The following CACNB2 variants were observed in gnomAD, a reference collection of about 807,000 sequenced individuals.
CACNB2 encodes the protein voltage-dependent L-type calcium channel subunit beta-2.
A neutral mutation model predicts 73.3 loss-of-function variants in CACNB2; 42 were observed. The observed-to-expected ratio is 0.57, with a 90% CI of 0.45 to 0.74. The LOEUF is 0.74. Ranked by LOEUF, CACNB2 falls within the 30% of genes least tolerant of loss-of-function variation. CACNB2 has a pLI of 0.00. For synonymous variants in CACNB2, 348 were observed against 310.3 expected, an observed-to-expected ratio of 1.12 and a Z score of -1.28; for missense variants, 940 against 853.0, an observed-to-expected ratio of 1.10 and a Z score of -1.27.
chr10:18,502,956 AAAAGT>A (rs2050289400), intron 5 of CACNB2, among the ~76,000 whole-genome samples: 1 of 152,066 alleles, frequency 6.6e-6, no homozygotes, highest in Non-Finnish European at 1.5e-5. Context: ...CCCCGAAACT[AAAAGT>A]AAAAAAAGAA....
chr10:18,462,920 A>C (rs903751154), intron 3 of CACNB2, among the ~76,000 whole-genome samples: 10 of 151,496 alleles, frequency 6.6e-5, no homozygotes, highest in African/African-American at 2.4e-4. Context: ...CACCACGCCC[A>C]GCTAATTTTT....
At chr10:18,314,427 A>C (rs1273976390) in intron 2 of CACNB2, among the ~76,000 whole-genome samples, 1 of 152,208 alleles carries the variant, frequency 6.6e-6, no homozygotes, top group Non-Finnish European at 1.5e-5. Context: ...CTGAGTTATC[A>C]ATAGAGTATA....
chr10:18,324,645 C>T (rs1253437941), intron 2 of CACNB2, among the ~76,000 whole-genome samples: 2 of 152,218 alleles, frequency 1.3e-5, no homozygotes, highest in Non-Finnish European at 2.9e-5. Flanking sequence ...TTCTTAAAGT[C>T]CAGAGTTTGA....
At chr10:18,184,833 T>A (rs2034074792) in intron 2 of CACNB2, among the ~76,000 whole-genome samples, 1 of 152,086 alleles carries the variant, frequency 6.6e-6, no homozygotes, top group South Asian at 2.1e-4. Flanking sequence ...CACCTCGGTA[T>A]TAAGCCCAGC....
chr10:18,374,000 C>T (rs1320940421), intron 2 of CACNB2, among the ~76,000 whole-genome samples: 2 of 152,192 alleles, frequency 1.3e-5, no homozygotes, highest in Non-Finnish European at 2.9e-5. Flanking sequence ...CTCTTTCACA[C>T]TCCCATATTG....
chr10:18,501,568 A>G (rs1027621429), intron 5 of CACNB2, among the ~76,000 whole-genome samples: 4 of 152,268 alleles, frequency 2.6e-5, no homozygotes, highest in African/African-American at 9.6e-5. Context: ...AAGAATCACT[A>G]GAAAGGCTTC....
chr10:18,261,244 C>T (rs1011722727), intron 2 of CACNB2: 5 of 1,550,810 alleles, frequency 3.2e-6, no homozygotes, highest in Admixed American at 2.0e-5. Flanking sequence ...TGAAGCCACA[C>T]GCTGACTGCG....
chr10:18,204,975 A>AG (rs2035029941), intron 2 of CACNB2, among the ~76,000 whole-genome samples: 1 of 76,230 alleles, frequency 1.3e-5, no homozygotes, highest in Admixed American at 1.7e-4. Context: ...AAACTTTACC[A>AG]GAAAAAAAAA....
At position 18,506,544 on chromosome 10, in the gene CACNB2, T is replaced by A. The variant is rs1564629335; in HGVS notation, c.667T>A (p.Ser223Thr). Reference sequence around the variant, plus strand: ...TTCCAGAAAATCAACACCTCCATCATCTGGTAAGTAGGTGATAAATGCTGA... The same window carrying A: ...TTCCAGAAAATCAACACCTCCATCAACTGGTAAGTAGGTGATAAATGCTGA... ...PSSRKSTPPS[S>T]AIDIDATGLD... The change falls in exon 6 of 14, where the codon TCT becomes ACT. Residue 223 changes from serine to threonine, a missense_variant. Coordinates refer to ENST00000324631, the MANE Select transcript of CACNB2 (RefSeq NM_201596.3). 6.4e-7 allele frequency: 1 copy of A among 1,573,532 alleles called. No homozygotes were observed. The highest frequency in any genetic ancestry group is 8.7e-7 in the Non-Finnish European group (1 of 1,143,224).
At chr10:18,485,022 G>A (rs893999095) in intron 3 of CACNB2, among the ~76,000 whole-genome samples, 1 of 152,086 alleles carries the variant, frequency 6.6e-6, no homozygotes, top group Non-Finnish European at 1.5e-5. Context: ...AGATGTCATA[G>A]CGCATACCTG....
chr10:18,181,864 C>T (rs1035174145), intron 2 of CACNB2: 2 of 151,844 alleles, frequency 1.3e-5, no homozygotes, highest in Admixed American at 6.6e-5. Context: ...TCCAGCAATT[C>T]TCCCATGTTG....
chr10:18,505,329 G>A (rs1404191997), intron 5 of CACNB2, among the ~76,000 whole-genome samples: 4 of 151,580 alleles, frequency 2.6e-5, no homozygotes, highest in African/African-American at 9.7e-5. Context: ...TGCTTCTATA[G>A]ATATCACTTG....
At chr10:18,422,012 A>C (rs754569266) in intron 3 of CACNB2, among the ~76,000 whole-genome samples, 26 of 152,230 alleles carry the variant, frequency 1.7e-4, no homozygotes, top group Non-Finnish European at 2.4e-4. Flanking sequence ...ATAGCTGTTA[A>C]GCATGTTCTA....
chr10:18,390,542 T>C (rs1366611513), intron 2 of CACNB2, among the ~76,000 whole-genome samples: 2 of 152,206 alleles, frequency 1.3e-5, no homozygotes, highest in Non-Finnish European at 2.9e-5. Flanking sequence ...GTAGAGAGTC[T>C]ATTAAGATAT....
At chr10:18,452,221 G>C (rs1313842379) in intron 3 of CACNB2, among the ~76,000 whole-genome samples, 1 of 152,050 alleles carries the variant, frequency 6.6e-6, no homozygotes, top group Non-Finnish European at 1.5e-5. Context: ...ACAGATGCTC[G>C]AGACCAGCTT....
intron 2 of CACNB2, among the ~76,000 whole-genome samples, chr10:18,297,445 C>A (rs915048592): frequency 6.6e-6 from 1 of 152,100 alleles, no homozygotes; most frequent in African/African-American, 2.4e-5. Context: ...GTAGTTCCAG[C>A]TACTCAGGAG....
intron 9 of CACNB2, among the ~76,000 whole-genome samples, chr10:18,521,542 C>A (rs547318534): frequency 6.6e-6 from 1 of 152,164 alleles, no homozygotes; most frequent in Non-Finnish European, 1.5e-5. Flanking sequence ...CACTATTCAA[C>A]TTGCCTCAGT....
chr10:18,295,989 T>A (rs2039263029), intron 2 of CACNB2, among the ~76,000 whole-genome samples: 1 of 145,042 alleles, frequency 6.9e-6, no homozygotes, highest in Admixed American at 7.3e-5. Context: ...ATCACTATTC[T>A]TTTTGCGTGT....
At chr10:18,178,210 T>C (rs1294350092) in intron 2 of CACNB2, among the ~76,000 whole-genome samples, 1 of 152,190 alleles carries the variant, frequency 6.6e-6, no homozygotes, top group Non-Finnish European at 1.5e-5. Flanking sequence ...CATAAGCCTG[T>C]AGGGATTGGG....
Sources: gnomAD v4.1 joint callset for allele counts (sites outside exome capture counted in the v4.1 genomes callset) on GRCh38, gnomAD v4.1.1 for gene constraint, MANE v1.5 for transcripts, NCBI Gene and HGNC (gene_info 2026-07-23, HGNC 2026-07-21) for gene names.